The following RPL8 variants were observed in gnomAD, a reference collection of about 807,000 sequenced individuals.
RPL8 encodes the protein ribosomal protein L8, also known as large ribosomal subunit protein uL2.
For missense variants in RPL8, 248 were observed against 365.9 expected (o/e 0.68, Z 2.63); for synonymous variants, 182 against 143.2 (o/e 1.27, Z -1.94).
chr8:144,790,213 TC>T, intron 4 of RPL8, 141 bp downstream of exon 4: 1 of 768,738 alleles, frequency 1.3e-6, no homozygotes, highest in Non-Finnish European at 2.2e-6. Context: ...GGATCAACAG[TC>T]CCGTGACTAC....
Position 144,792,238 on chromosome 8 carries a change from T to A in RPL8, c.-109A>T, listed in dbSNP as rs1826562283. 1.5e-6 allele frequency: 2 copies of A among 1,346,358 alleles called. No individual in the cohort carries two copies. Among genetic ancestry groups the A allele is most frequent in the Non-Finnish European group, 1.9e-6 (2 of 1,049,746 alleles). 83.4% of individuals were successfully genotyped at this position (1,346,358 alleles called of 1,614,324 possible). A position where few individuals can be genotyped will look rare whatever the true frequency, so the allele number is the denominator to read the frequency against. ...CCCCCGAGGCCGCCGCGCCCACCAC[T>A]CCCTACCCTCTCCGCGGGCGCCCGC... On this transcript the variant is annotated 5_prime_UTR_variant, in exon 1 of 5. Coordinates refer to ENST00000528957, the MANE Select transcript of RPL8 (RefSeq NM_001317782.2).
intron 3 of RPL8, 69 bp from the exon 4 acceptor site, chr8:144,790,539 T>G: frequency 2.1e-5 from 25 of 1,164,594 alleles, no homozygotes; most frequent in Non-Finnish European, 3.2e-5. Context: ...CTCAATCTCC[T>G]GTCATGCACC....
Position 144,791,380 on chromosome 8 carries a change from G to C in RPL8, c.396C>G (p.Asn132Lys), listed in dbSNP as rs1378145006. The C allele has an allele frequency of 6.2e-7, 1 of 1,613,912 alleles. No homozygotes were observed. Among genetic ancestry groups the C allele is most frequent in the Admixed American group, 1.7e-5 (1 of 60,018 alleles). ...DRGKLARASG[N>K]YATVISHNPE... is the part of the protein sequence containing the mutation. ...GGTTGTGGGAGATAACGGTGGCATAGTTCCCTGATGCCCGGGCCAGCTTGC... is the reference window on the plus strand; with the variant it reads ...GGTTGTGGGAGATAACGGTGGCATACTTCCCTGATGCCCGGGCCAGCTTGC... Residue 132 changes from asparagine (N) to lysine (K), a missense_variant, in exon 3 of 5, where the codon AAC becomes AAG. By Grantham distance (94) the Asn-to-Lys change is moderately conservative. Coordinates refer to ENST00000528957, the MANE Select transcript of RPL8 (RefSeq NM_001317782.2).
At chr8:144,790,021 T>C (rs1225479272) in intron 4 of RPL8, 59 bp from the exon 5 acceptor site, 5 of 1,513,190 alleles carry the variant, frequency 3.3e-6, no homozygotes, top group Non-Finnish European at 4.4e-6. Context: ...GCCCCCGGCC[T>C]CGGGGTCCCA....
intron 3 of RPL8, 180 bp from the exon 4 acceptor site, chr8:144,790,650 C>T: frequency 1.4e-6 from 1 of 691,960 alleles, no homozygotes; most frequent in South Asian, 1.5e-5. Context: ...CTTCAATCCA[C>T]AATGGGCAGG....
At chr8:144,791,255 T>C in intron 3 of RPL8, 22 bp downstream of exon 3, 1 of 1,609,578 alleles carries the variant, frequency 6.2e-7, no homozygotes, top group Non-Finnish European at 8.5e-7. Flanking sequence ...CCCTCAGCAT[T>C]CAACTGCTGC....
In RPL8 at chr8:144,792,378, G is replaced by A. The variant is rs996427317; in HGVS notation, c.-249C>T. The A allele has an allele frequency of 3.0e-6, 2 of 659,398 alleles. No individual in the cohort carries two copies. Among genetic ancestry groups the A allele is most frequent in the Admixed American group, 4.5e-5 (1 of 22,414 alleles). 40.8% of individuals were successfully genotyped at this position (659,398 alleles called of 1,614,324 possible). A position where few individuals can be genotyped will look rare whatever the true frequency, so the allele number is the denominator to read the frequency against. ...AAGGATGACCTACCTGTTCACCAGC[G>A]CGGCCGAAAGAGGAAACACGGCGTC... On this transcript the variant is annotated 5_prime_UTR_variant, in exon 1 of 5. Coordinates refer to ENST00000528957, the MANE Select transcript of RPL8 (RefSeq NM_001317782.2).
chr8:144,791,218 C>T (rs890197695), intron 3 of RPL8, 59 bp downstream of exon 3: 9 of 1,516,086 alleles, frequency 5.9e-6, no homozygotes, highest in Non-Finnish European at 7.3e-6. Context: ...GGCTGTCCAC[C>T]GGCACTCACA....
chr8:144,791,982 C>G lies in RPL8; in HGVS notation c.138+10G>C. On this transcript the variant is annotated intron_variant, in intron 1 of 4. Transcript: ENST00000528957. ...TCCCTTCCCCTCCCGCCCCGGCCAG[C>G]GTTCCGCACCTTGACGATGCCCTTG... 2 of 1,608,454 alleles carry G rather than the reference C, an allele frequency of 1.2e-6. No homozygotes were observed. The highest frequency in any genetic ancestry group is 1.7e-6 in the Non-Finnish European group (2 of 1,177,288).
rs770691217 is a variant in RPL8, at chr8:144,789,923, T to C, written c.655A>G (p.Ile219Val). ...CTGCGGATGGTGGAGGGCTTGCCGA[T>C]GTGCTGGTGGTTGCCACCTCCAAAA... The part of the protein sequence containing the change: ...HPFGGGNHQH[I>V]GKPSTIRRDA... Residue 219 changes from isoleucine (I) to valine (V), a missense_variant, in exon 5 of 5, where the codon ATC (isoleucine) becomes GTC (valine). Coordinates refer to ENST00000528957, the MANE Select transcript of RPL8 (RefSeq NM_001317782.2). 3.1e-6 allele frequency: 5 copies of C among 1,613,256 alleles called. No homozygotes were observed. The South Asian group carries it at 4.4e-5, about 14-fold the overall frequency.
rs372308540 is a variant in RPL8, at chr8:144,791,818, C to T, written c.235G>A (p.Ala79Thr). The change falls in exon 2 of 5, where the codon GCC becomes ACC. Residue 79 changes from alanine to threonine, a missense_variant. Ala to Thr is a moderately conservative substitution (Grantham distance 58, BLOSUM62 0). Transcript: ENST00000528957. Reference sequence around the variant, plus strand: ...AACTGGCCCGTGTGAATGCCCTCGGCGGCAATGAACAGCTCCGTCCGCTTC... The same window carrying T: ...AACTGGCCCGTGTGAATGCCCTCGGTGGCAATGAACAGCTCCGTCCGCTTC... The part of the protein sequence containing the change: ...FKKRTELFIA[A>T]EGIHTGQFVY... 2 of 1,613,888 alleles carry T rather than the reference C, an allele frequency of 1.2e-6. No individual in the cohort carries two copies. The highest frequency in any genetic ancestry group is 1.7e-6 in the Non-Finnish European group (2 of 1,180,034).
chr8:144,791,745 G>A (rs1826529180), intron 2 of RPL8, 28 bp downstream of exon 2: 5 of 1,510,498 alleles, frequency 3.3e-6, no homozygotes, highest in African/African-American at 1.4e-5. Flanking sequence ...TCCCCACCCC[G>A]ACCTTCCTTC....
At chr8:144,790,047 A>G in intron 4 of RPL8, 85 bp from the exon 5 acceptor site, 13 of 1,453,382 alleles carry the variant, frequency 8.9e-6, no homozygotes, top group Non-Finnish European at 1.2e-5. Flanking sequence ...CAGGGGCCCA[A>G]TTCCGCGAAG....
chr8:144,790,283 A>T, intron 4 of RPL8, 72 bp downstream of exon 4: 1 of 1,280,920 alleles, frequency 7.8e-7, no homozygotes, highest in Non-Finnish European at 1.1e-6. Context: ...ACACCTGTGG[A>T]TGGGACTTGC....
chr8:144,790,036 T>G, intron 4 of RPL8, 74 bp from the exon 5 acceptor site: 1 of 1,482,622 alleles, frequency 6.7e-7, no homozygotes. Context: ...GTCCCACCCG[T>G]CAGGGGCCCA....
At position 144,791,861 on chromosome 8, in the gene RPL8, C is replaced by G; in HGVS notation, c.192G>C (p.Arg64=). The stretch of plus-strand genomic sequence containing the variant: ...TCCGCTTCTTAAACCGATACGGATC[C>G]CGGAAGACCACCTTGGCGAGGGGCG... The part of the protein sequence containing the change: ...RGAPLAKVVF[R]DPYRFKKRTE... Residue 64 remains arginine (R), a synonymous_variant, in exon 2 of 5, where the codon CGG becomes CGC. Coordinates refer to ENST00000528957, the MANE Select transcript of RPL8 (RefSeq NM_001317782.2). 6.2e-7 allele frequency: 1 copy of G among 1,613,808 alleles called. No individual in the cohort carries two copies. Among genetic ancestry groups the G allele is most frequent in the Non-Finnish European group, 8.5e-7 (1 of 1,180,034 alleles).
At chr8:144,790,228 C>T (rs902702505) in intron 4 of RPL8, 127 bp downstream of exon 4, 2 of 839,696 alleles carry the variant, frequency 2.4e-6, no homozygotes, top group Non-Finnish European at 3.9e-6. Context: ...TGACTACAAA[C>T]CACCACCTGC....
Position 144,789,855 on chromosome 8 carries a change from G to A in RPL8, c.723C>T (p.Arg241=). 6.2e-7 allele frequency: 1 copy of A among 1,613,404 alleles called. No individual in the cohort carries two copies. The highest frequency in any genetic ancestry group is 8.5e-7 in the Non-Finnish European group (1 of 1,179,862). ...TGGTTCCCCGGAGACGTCCAGTCCG[G>A]CGGGCAGCAATGAGACCCACTTTGC... ...AGRKVGLIAA[R]RTGRLRGTKT... is the part of the protein sequence containing the mutation. The change falls in exon 5 of 5, where the codon CGC becomes CGT. Residue 241 remains arginine (R), a synonymous_variant. Transcript: ENST00000528957.
At position 144,791,853 on chromosome 8, in the gene RPL8, T is replaced by C. The variant is rs747790712; in HGVS notation, c.200A>G (p.Tyr67Cys). The change falls in exon 2 of 5, where the codon TAT becomes TGT. Residue 67 changes from tyrosine (Y) to cysteine (C), a missense_variant. By Grantham distance (194) the Tyr-to-Cys change is radical (BLOSUM62 -2). Transcript: ENST00000528957. ...CAGCTCCGTCCGCTTCTTAAACCGA[T>C]ACGGATCCCGGAAGACCACCTTGGC... is the stretch of plus-strand genomic sequence containing the variant. ...PLAKVVFRDPYRFKKRTELFI... is the reference protein window; with the variant it reads ...PLAKVVFRDPCRFKKRTELFI... 1.9e-6 allele frequency: 3 copies of C among 1,613,778 alleles called. No individual in the cohort carries two copies. Among genetic ancestry groups the C allele is most frequent in the Non-Finnish European group, 2.5e-6 (3 of 1,180,008 alleles).
Sources: allele counts gnomAD v4.1 joint callset, GRCh38; gene constraint gnomAD v4.1.1; transcripts MANE v1.5; gene names NCBI Gene and HGNC (gene_info 2026-07-23, HGNC 2026-07-21).